MED23: variants seen among roughly 807,000 people sequenced by gnomAD.
The protein encoded by MED23 is mediator of RNA polymerase II transcription subunit 23.
In MED23, 105 loss-of-function variants were observed where a neutral mutation model predicts 163.9. The observed-to-expected ratio is 0.64, with a 90% CI of 0.55 to 0.75. MED23 has a LOEUF of 0.75. Ranked by LOEUF, MED23 falls within the 30% of genes least tolerant of loss-of-function variation. The pLI is 0.00. For missense variants in MED23, 1,054 were observed against 1,649.0 expected (o/e 0.64, Z 6.25); for synonymous variants, 561 against 565.6 (o/e 0.99, Z 0.12).
downstream of MED23, chr6:131,583,856 T>A (rs1461329572): frequency 6.2e-7 from 1 of 1,614,054 alleles, no homozygotes; most frequent in East Asian, 2.2e-5. Flanking sequence ...TGTTTCGGAC[T>A]TGCTCGGGAG....
At chr6:131,597,383 G>A (rs1346741162) in intron 20 of MED23, among the ~76,000 whole-genome samples, 2 of 149,470 alleles carry the variant, frequency 1.3e-5, no homozygotes, top group Non-Finnish European at 2.9e-5. Flanking sequence ...GGCTGAGGCA[G>A]GATAATGGCG....
chr6:131,594,897 G>A lies in MED23; in HGVS notation c.2996-562C>T, dbSNP rs578262747. 1.9e-3 allele frequency among the ~76,000 whole-genome samples: 286 copies of A among 152,240 alleles called. 1 individual carries two copies. The highest frequency in any genetic ancestry group is 6.4e-3 in the African/African-American group (266 of 41,520). On this transcript the variant is annotated intron_variant, in intron 22 of 28. Coordinates refer to ENST00000368068, the MANE Select transcript of MED23 (RefSeq NM_004830.4). Reference sequence around the variant, plus strand: ...GAGACTGGTAACACTGGCTGCCTACGAAAGAAACTGGGTAGCTGGAGGCCA... The same window carrying A: ...GAGACTGGTAACACTGGCTGCCTACAAAAGAAACTGGGTAGCTGGAGGCCA...
chr6:131,615,698 AC>A (rs1776638506), intron 10 of MED23: 1 of 631,366 alleles, frequency 1.6e-6, no homozygotes, highest in Non-Finnish European at 2.8e-6. Flanking sequence ...AAATAAACCA[AC>A]TTTAAAAATT....
At chr6:131,606,406 C>G in intron 13 of MED23, 73 bp downstream of exon 13, 2 of 1,512,800 alleles carry the variant, frequency 1.3e-6, no homozygotes, top group Non-Finnish European at 1.8e-6. Flanking sequence ...ACACAAACAC[C>G]GAGACCAATA....
Position 131,627,408 on chromosome 6 carries a change from AC to A in MED23, c.146del (p.Gly49ValfsTer35), listed in dbSNP as rs1196639355. The A allele has an allele frequency of 3.7e-6, 6 of 1,612,884 alleles. No homozygotes were observed. Among genetic ancestry groups the A allele is most frequent in the African/African-American group, 1.3e-5 (1 of 74,752 alleles). ...SCLGAFRQFW[G>X]GLSQESHEQC... Reference sequence around the variant, plus strand: ...ATGAAGCGCTCACCTGAGAAAGACCACCCCAAAACTGTCTGAAGGCCCCCAA... The same window carrying A: ...ATGAAGCGCTCACCTGAGAAAGACCACCCAAAACTGTCTGAAGGCCCCCAA... On this transcript the variant is annotated frameshift_variant, in exon 3 of 29. Transcript: ENST00000368068. LOFTEE classifies it high-confidence loss of function.
At chr6:131,619,601 G>A (rs1214956946) in intron 8 of MED23, among the ~76,000 whole-genome samples, 1 of 151,864 alleles carries the variant, frequency 6.6e-6, no homozygotes, top group East Asian at 1.9e-4. Context: ...TTCTAGAATG[G>A]TTTTAAATGA....
intron 4 of MED23, among the ~76,000 whole-genome samples, chr6:131,624,009 G>A (rs1363811116): frequency 6.6e-6 from 1 of 152,148 alleles, no homozygotes; most frequent in South Asian, 2.1e-4. Flanking sequence ...AACAAAGTAA[G>A]AATGAAATAA....
intron 10 of MED23, 124 bp downstream of exon 10, chr6:131,615,783 T>C: frequency 1.4e-6 from 1 of 719,212 alleles, no homozygotes; most frequent in South Asian, 1.6e-5. Context: ...AAAAACCATG[T>C]ATATTTTTAA....
Position 131,603,133 on chromosome 6 carries a change from A to G in MED23, c.1828T>C (p.Tyr610His), listed in dbSNP as rs1391305162. The part of the protein sequence containing the change: ...ILHTLLEMFS[Y>H]RMHHIQPHYR... The stretch of plus-strand genomic sequence containing the variant: ...TGAGGCTGAATATGATGCATCCGGT[A>G]GCTAAACATCTCAAGGAGTGTGTGT... The change falls in exon 16 of 29, where the codon TAC becomes CAC. Residue 610 changes from tyrosine to histidine, a missense_variant. Physicochemically the swap from Tyr to His is moderately conservative, Grantham distance 83. Transcript: ENST00000368068. 1.2e-6 allele frequency: 2 copies of G among 1,613,870 alleles called. No homozygotes were observed. The highest frequency in any genetic ancestry group is 8.5e-7 in the Non-Finnish European group (1 of 1,179,882).
intron 20 of MED23, among the ~76,000 whole-genome samples, chr6:131,597,142 A>T (rs1370757885): frequency 4.6e-5 from 7 of 152,158 alleles, no homozygotes; most frequent in Admixed American, 4.6e-4. Flanking sequence ...AATTTTTTTC[A>T]ATGTAGCATT....
chr6:131,619,265 T>C (rs1436959469), intron 8 of MED23, among the ~76,000 whole-genome samples: 1 of 152,192 alleles, frequency 6.6e-6, no homozygotes, highest in East Asian at 1.9e-4. Context: ...TACTCAATAT[T>C]TGATCACTGA....
chr6:131,623,334 T>A lies in MED23; in HGVS notation c.396+17A>T, dbSNP rs770125408. On this transcript the variant is annotated intron_variant, in intron 5 of 28. Coordinates refer to ENST00000368068, the MANE Select transcript of MED23 (RefSeq NM_004830.4). ...CATATCTGAAAGCAATCACTTTTTATAATAAGAAAAATATACCTTGTAATC... is the reference window on the plus strand; with the variant it reads ...CATATCTGAAAGCAATCACTTTTTAAAATAAGAAAAATATACCTTGTAATC... 52 of 1,592,032 alleles carry A rather than the reference T, an allele frequency of 3.3e-5. No homozygotes were observed. Among genetic ancestry groups the A allele is most frequent in the Non-Finnish European group, 4.2e-5 (49 of 1,160,088 alleles).
intron 5 of MED23, among the ~76,000 whole-genome samples, chr6:131,622,667 A>G (rs560681678): frequency 3.3e-4 from 50 of 152,386 alleles, no homozygotes; most frequent in African/African-American, 1.2e-3. Context: ...GTAAAGAGAA[A>G]ATAATTAGCA....
At chr6:131,608,748 G>A (rs1776047019) in intron 11 of MED23, among the ~76,000 whole-genome samples, 1 of 152,156 alleles carries the variant, frequency 6.6e-6, no homozygotes, top group African/African-American at 2.4e-5. Flanking sequence ...TGGTTTCTGG[G>A]AGAAGGTGGT....
intron 14 of MED23, among the ~76,000 whole-genome samples, 194 bp from the exon 15 acceptor site, chr6:131,604,514 G>A (rs1243572621): frequency 6.6e-6 from 1 of 152,164 alleles, no homozygotes; most frequent in African/African-American, 2.4e-5. Context: ...TTCCGTTTCT[G>A]TGGCGCTTTC....
chr6:131,621,328 A>G (rs1777086260), intron 6 of MED23, among the ~76,000 whole-genome samples: 1 of 152,000 alleles, frequency 6.6e-6, no homozygotes, highest in South Asian at 2.1e-4. Flanking sequence ...CATTATAAAA[A>G]AATAAGTATA....
chr6:131,584,363 A>AATACACACACAC (rs371339129), downstream of MED23: 5 of 158,236 alleles, frequency 3.2e-5, no homozygotes, highest in African/African-American at 7.5e-5. Flanking sequence ...AAATACATGC[A>AATACACACACAC]ACACACACAC....
chr6:131,582,729 T>A (rs1377147746), downstream of MED23: 1 of 1,610,102 alleles, frequency 6.2e-7, no homozygotes, highest in South Asian at 1.1e-5. Context: ...AGCTTATTCC[T>A]TGATGTGATT....
intron 17 of MED23, among the ~76,000 whole-genome samples, chr6:131,601,905 T>C (rs1775513335): frequency 6.6e-6 from 1 of 152,058 alleles, no homozygotes; most frequent in Admixed American, 6.6e-5. Flanking sequence ...ATATAATCCA[T>C]ATAAACAGAA....
Sources: allele counts gnomAD v4.1 joint callset (sites outside exome capture counted in the v4.1 genomes callset), GRCh38; gene constraint gnomAD v4.1.1; transcripts MANE v1.5; gene names NCBI Gene and HGNC (gene_info 2026-07-23, HGNC 2026-07-21).